GABRA3: variants seen among roughly 807,000 people sequenced by gnomAD.
GABRA3 encodes the protein gamma-aminobutyric acid type A receptor subunit alpha3.
In GABRA3, 10 loss-of-function variants were observed where a neutral mutation model predicts 30.1. The ratio of observed to expected loss-of-function variants is 0.33; its 90% CI spans 0.20 to 0.56. The LOEUF is 0.56. GABRA3 is among the 20% of genes least tolerant of loss of function. GABRA3 has a pLI of 0.89. For missense variants in GABRA3, 233 were observed against 392.0 expected (o/e 0.59, Z 3.42); for synonymous variants, 151 against 146.8 (o/e 1.03, Z -0.21).
chrX:152,283,338 G>C lies in GABRA3; in HGVS notation c.330+1330C>G, dbSNP rs184055823. Among the ~76,000 whole-genome samples, 138 of 111,366 alleles carry C rather than the reference G, an allele frequency of 1.2e-3. 1 individual carries two copies. Among genetic ancestry groups the C allele is most frequent in the African/African-American group, 4.3e-3 (131 of 30,679 alleles). On this transcript the variant is annotated intron_variant, in intron 4 of 9. Transcript: ENST00000370314. ...GGGAAGCCATGGAGACTTGGTACTT[G>C]CCCTCGAGGAGTTCAAAGGAAGTCT... is the stretch of plus-strand genomic sequence containing the variant.
intron 4 of GABRA3, among the ~76,000 whole-genome samples, chrX:152,261,111 T>C (rs773495653): frequency 1.9e-5 from 2 of 105,392 alleles, no homozygotes; most frequent in East Asian, 6.0e-4. Context: ...TCAGATTTCA[T>C]TAGAACTCTC....
At chrX:152,303,427 C>A (rs1040131472) in intron 3 of GABRA3, among the ~76,000 whole-genome samples, 2 of 111,058 alleles carry the variant, frequency 1.8e-5, no homozygotes, top group Admixed American at 9.6e-5. Context: ...GATCTAGAAC[C>A]AGAATTACCA....
chrX:152,203,272 T>G (rs779211379), intron 7 of GABRA3, among the ~76,000 whole-genome samples: 1 of 112,129 alleles, frequency 8.9e-6, no homozygotes, highest in South Asian at 3.8e-4. Flanking sequence ...AAAGATAATC[T>G]GAGTGCCTTT....
rs1423320309 is a variant in GABRA3, at chrX:152,216,551, C to A, written c.634+8212G>T. On this transcript the variant is annotated intron_variant, in intron 6 of 9. Coordinates refer to ENST00000370314, the MANE Select transcript of GABRA3 (RefSeq NM_000808.4). ...ATGAAGTGAGCAAGGCTCAGAAAGA[C>A]AAATGTTGCATTGTATCATTCATAT... Among the ~76,000 whole-genome samples, 22 of 108,972 alleles carry A rather than the reference C, an allele frequency of 2.0e-4. No homozygotes were observed. The Admixed American group carries it at 2.2e-3, about 11-fold the overall frequency. 94.6% of individuals were successfully genotyped at this position (108,972 alleles called of 115,157 possible).
intron 6 of GABRA3, among the ~76,000 whole-genome samples, chrX:152,212,700 A>T (rs1937646628): frequency 1.8e-5 from 2 of 111,883 alleles, no homozygotes; most frequent in South Asian, 7.4e-4. Context: ...AGAAGTAGAA[A>T]TGATTATAAT....
intron 1 of GABRA3, among the ~76,000 whole-genome samples, chrX:152,444,748 G>GTTTTTTTTTTT (rs1569426323): frequency 2.1e-5 from 1 of 47,724 alleles, no homozygotes; most frequent in African/African-American, 1.0e-4. Flanking sequence ...TTTTTTTTTT[G>GTTTTTTTTTTT]TTTTTTTTTG....
chrX:152,446,040 G>A (rs1038380762), intron 1 of GABRA3, among the ~76,000 whole-genome samples: 3 of 111,991 alleles, frequency 2.7e-5, no homozygotes, highest in African/African-American at 9.8e-5. Flanking sequence ...CACTGCTCCT[G>A]TGGACATGAG....
chrX:152,196,039 C>G (rs1297197298), intron 8 of GABRA3, among the ~76,000 whole-genome samples: 1 of 109,733 alleles, frequency 9.1e-6, no homozygotes, highest in Non-Finnish European at 1.9e-5. Flanking sequence ...CATTTGGGCC[C>G]CTGTGTATTT....
chrX:152,370,965 A>G (rs1405469054), intron 1 of GABRA3, among the ~76,000 whole-genome samples: 1 of 110,620 alleles, frequency 9.0e-6, no homozygotes, highest in Non-Finnish European at 1.9e-5. Flanking sequence ...GATAACATAC[A>G]TAGTCCATAA....
chrX:152,174,566 T>C (rs1283632691), intron 9 of GABRA3, among the ~76,000 whole-genome samples: 7 of 112,477 alleles, frequency 6.2e-5, no homozygotes, highest in Non-Finnish European at 1.9e-5. Flanking sequence ...TTTTCATGTG[T>C]CTTTTGGCTG....
chrX:152,359,694 C>T (rs1269229673), intron 2 of GABRA3, among the ~76,000 whole-genome samples: 4 of 111,062 alleles, frequency 3.6e-5, no homozygotes, highest in Non-Finnish European at 7.5e-5. Flanking sequence ...GCATTTAGTG[C>T]TACAAACTTC....
At chrX:152,252,781 G>T (rs917060322) in intron 5 of GABRA3, among the ~76,000 whole-genome samples, 1 of 111,059 alleles carries the variant, frequency 9.0e-6, no homozygotes, top group Non-Finnish European at 1.9e-5. Flanking sequence ...GGACCCACTC[G>T]CTTCTATGTC....
intron 3 of GABRA3, among the ~76,000 whole-genome samples, chrX:152,328,266 AG>A (rs1940099472): frequency 8.9e-6 from 1 of 111,829 alleles, no homozygotes; most frequent in Non-Finnish European, 1.9e-5. Flanking sequence ...ATTCTAGCAG[AG>A]GTACAATGAG....
chrX:152,364,707 A>C, intron 1 of GABRA3, 111 bp from the exon 2 acceptor site: 1 of 542,772 alleles, frequency 1.8e-6, no homozygotes, highest in South Asian at 4.1e-5. Context: ...ACTCTATTAG[A>C]GCCATTTAAC....
At chrX:152,447,231 T>C (rs956461881) in intron 1 of GABRA3, among the ~76,000 whole-genome samples, 1 of 111,657 alleles carries the variant, frequency 9.0e-6, no homozygotes, top group African/African-American at 3.3e-5. Context: ...TTATATTGAA[T>C]AGATTCCATT....
intron 3 of GABRA3, 21 bp downstream of exon 3, chrX:152,345,560 A>C (rs1443493604): frequency 8.4e-7 from 1 of 1,190,344 alleles, no homozygotes; most frequent in South Asian, 1.9e-5. Context: ...AAAGGACTTC[A>C]AAGATCTTAA....
intron 7 of GABRA3, among the ~76,000 whole-genome samples, chrX:152,198,557 C>G (rs1937419212): frequency 1.8e-5 from 2 of 112,247 alleles, no homozygotes; most frequent in Middle Eastern, 9.2e-3. Context: ...CTGGATTTGT[C>G]AGCAGCATTT....
chrX:152,270,295 TGAA>T (rs1938907531), intron 4 of GABRA3, among the ~76,000 whole-genome samples: 2 of 111,494 alleles, frequency 1.8e-5, no homozygotes, highest in South Asian at 3.8e-4. Flanking sequence ...TGCCAGCATG[TGAA>T]GAAGGACGTG....
intron 7 of GABRA3, among the ~76,000 whole-genome samples, chrX:152,199,340 T>C (rs1220107812): frequency 9.8e-6 from 1 of 102,317 alleles, no homozygotes; most frequent in Non-Finnish European, 2.0e-5. Flanking sequence ...CACTCCAGCC[T>C]GGGCAACAGG....
Sources: gnomAD v4.1 joint callset for allele counts (sites outside exome capture counted in the v4.1 genomes callset) on GRCh38, gnomAD v4.1.1 for gene constraint, MANE v1.5 for transcripts, NCBI Gene and HGNC (gene_info 2026-07-23, HGNC 2026-07-21) for gene names.